Variants in NR6A1 observed in about 807,000 individuals in gnomAD.
The protein encoded by NR6A1 is retinoic acid receptor-related testis-associated receptor.
Under a neutral mutation model 59.1 loss-of-function variants are expected in NR6A1, and 7 were observed. The ratio of observed to expected loss-of-function variants is 0.12; its 90% CI spans 0.07 to 0.22. The LOEUF (loss-of-function observed/expected upper bound fraction) is 0.22, where lower values mean the gene tolerates loss of function less well. Ranked by LOEUF, NR6A1 falls within the 10% of genes least tolerant of loss-of-function variation. The pLI, the probability that NR6A1 is intolerant of heterozygous loss-of-function variation, is 1.00. For synonymous variants in NR6A1, 243 were observed against 236.1 expected (o/e 1.03, Z -0.27); for missense variants, 468 against 611.6 (o/e 0.77, Z 2.48).
chr9:124,537,999 G>A (rs1441934348), intron 6 of NR6A1, 93 bp downstream of exon 6: 1 of 1,015,940 alleles, frequency 9.8e-7, no homozygotes, highest in Non-Finnish European at 1.5e-6. Context: ...AACTCATTCT[G>A]AAGCCACGGG....
chr9:124,641,608 G>A (rs1328368327), intron 2 of NR6A1, among the ~76,000 whole-genome samples: 1 of 152,134 alleles, frequency 6.6e-6, no homozygotes, highest in Non-Finnish European at 1.5e-5. Flanking sequence ...GAGGCAGGAG[G>A]ATTGCTTCAG....
rs149687158 is a variant in NR6A1 at position 124,573,616 on chromosome 9, T to C, written c.143-19046A>G. Among the ~76,000 whole-genome samples the C allele has an allele frequency of 2.1e-3, 316 of 152,344 alleles. 1 individual carries two copies. Among genetic ancestry groups the C allele is most frequent in the Non-Finnish European group, 3.6e-3 (242 of 68,042 alleles). On this transcript the variant is annotated intron_variant, in intron 2 of 9. Transcript: ENST00000487099. ...AGGGCATGTCTTTCTGACACCTATCTTCATTATCTTCCTCCACATTTTTAT... is the reference window on the plus strand; with the variant it reads ...AGGGCATGTCTTTCTGACACCTATCCTCATTATCTTCCTCCACATTTTTAT...
intron 7 of NR6A1, among the ~76,000 whole-genome samples, chr9:124,534,002 G>T (rs537336879): frequency 6.6e-6 from 1 of 150,912 alleles, no homozygotes. Context: ...ATGACTTCCA[G>T]TATTTTGAAT....
Position 124,610,889 on chromosome 9 carries a change from G to T in NR6A1, c.143-56319C>A, listed in dbSNP as rs1287774648. Among the ~76,000 whole-genome samples the T allele has an allele frequency of 3.9e-5, 6 of 152,264 alleles. No individual in the cohort carries two copies. The East Asian group carries it at 1.2e-3, about 29-fold the overall frequency. ...GATTTTCTAGTTTACTTGCATAGAG[G>T]TGTTTATAATTGTATTTTTCAAGAG... On this transcript the variant is annotated intron_variant, in intron 2 of 9. Coordinates refer to ENST00000487099, the MANE Select transcript of NR6A1 (RefSeq NM_033334.4).
At chr9:124,662,464 T>C (rs752064741) in intron 2 of NR6A1, among the ~76,000 whole-genome samples, 3 of 152,176 alleles carry the variant, frequency 2.0e-5, no homozygotes, top group Non-Finnish European at 4.4e-5. Context: ...GCAGGATTTA[T>C]ATAGAACGGC....
At chr9:124,653,315 C>T (rs952839030) in intron 2 of NR6A1, among the ~76,000 whole-genome samples, 3 of 151,326 alleles carry the variant, frequency 2.0e-5, no homozygotes, top group Non-Finnish European at 2.9e-5. Context: ...TATCAGATGA[C>T]ACTACATGAT....
chr9:124,704,780 C>T (rs564570046), intron 2 of NR6A1, among the ~76,000 whole-genome samples: 1 of 152,304 alleles, frequency 6.6e-6, no homozygotes, highest in Non-Finnish European at 1.5e-5. Flanking sequence ...CACTCTATCA[C>T]CCAGGCTGAG....
At chr9:124,671,713 CAA>C (rs1237945304) in intron 2 of NR6A1, among the ~76,000 whole-genome samples, 3 of 152,286 alleles carry the variant, frequency 2.0e-5, no homozygotes, top group Middle Eastern at 3.4e-3. Flanking sequence ...GTGACTAACA[CAA>C]AGTCATTAAC....
chr9:124,637,960 T>C (rs542448764), intron 2 of NR6A1, among the ~76,000 whole-genome samples: 17 of 146,910 alleles, frequency 1.2e-4, no homozygotes, highest in Admixed American at 1.1e-3. Context: ...AAATGTTAAA[T>C]GGGGCTGCGC....
intron 2 of NR6A1, chr9:124,598,647 TAA>T (rs34357133): frequency 0.016 from 2,629 of 160,212 alleles, no homozygotes; most frequent in South Asian, 0.023. Flanking sequence ...AGAGTAAAAT[TAA>T]AAAAAAAAAA....
At chr9:124,652,196 C>T (rs1410349280) in intron 2 of NR6A1, among the ~76,000 whole-genome samples, 1 of 152,148 alleles carries the variant, frequency 6.6e-6, no homozygotes, top group Non-Finnish European at 1.5e-5. Flanking sequence ...AAAGAAGCAG[C>T]TCTATTTCCA....
intron 6 of NR6A1, among the ~76,000 whole-genome samples, chr9:124,537,423 C>T (rs1833301658): frequency 6.6e-6 from 1 of 152,138 alleles, no homozygotes; most frequent in Admixed American, 6.5e-5. Context: ...TGTGTGACCT[C>T]CTTGTGGGTA....
At chr9:124,659,232 C>T (rs574752280) in intron 2 of NR6A1, among the ~76,000 whole-genome samples, 25 of 143,252 alleles carry the variant, frequency 1.7e-4, no homozygotes, top group Middle Eastern at 6.9e-3. Context: ...CAGTCCTGGC[C>T]GTTCGATAGG....
At chr9:124,526,926 A>G (rs1465982161) in intron 7 of NR6A1, 26 bp from the exon 8 acceptor site, 1 of 1,612,982 alleles carries the variant, frequency 6.2e-7, no homozygotes, top group Admixed American at 1.7e-5. Context: ...AGGTGTTAAC[A>G]GTTGGCTGTG....
intron 2 of NR6A1, among the ~76,000 whole-genome samples, chr9:124,579,701 T>C (rs1166809234): frequency 2.0e-5 from 3 of 152,078 alleles, no homozygotes; most frequent in African/African-American, 7.2e-5. Context: ...TGGAAAACAG[T>C]CTGATAGGTT....
intron 2 of NR6A1, among the ~76,000 whole-genome samples, chr9:124,597,187 G>A (rs912648603): frequency 6.6e-6 from 1 of 152,112 alleles, no homozygotes; most frequent in Non-Finnish European, 1.5e-5. Flanking sequence ...TGATTTAGAC[G>A]AGGAAAAAGG....
chr9:124,638,117 G>A (rs1836668040), intron 2 of NR6A1, among the ~76,000 whole-genome samples: 1 of 151,812 alleles, frequency 6.6e-6, no homozygotes, highest in African/African-American at 2.4e-5. Flanking sequence ...AGCTGGGTGT[G>A]GTGGCTTGTG....
intron 1 of NR6A1, among the ~76,000 whole-genome samples, chr9:124,752,770 G>T (rs1251152789): frequency 6.7e-6 from 1 of 149,456 alleles, no homozygotes; most frequent in African/African-American, 2.5e-5. Flanking sequence ...TTTTAAGAAA[G>T]ACCTAAGTTT....
intron 2 of NR6A1, chr9:124,599,353 A>C (rs1239302837): frequency 8.5e-6 from 3 of 352,204 alleles, no homozygotes; most frequent in African/African-American, 6.8e-5. Flanking sequence ...CGGGAGGCGG[A>C]GGTTGCAGTG....
Sources: gnomAD v4.1 joint callset for allele counts (sites outside exome capture counted in the v4.1 genomes callset) on GRCh38, gnomAD v4.1.1 for gene constraint, MANE v1.5 for transcripts, NCBI Gene and HGNC (gene_info 2026-07-23, HGNC 2026-07-21) for gene names.